Variants in HDAC4 observed in about 807,000 individuals in gnomAD.
HDAC4 encodes the protein histone deacetylase 4.
In HDAC4, 16 loss-of-function variants were observed where a neutral mutation model predicts 135.1. The ratio of observed to expected loss-of-function variants is 0.12; its 90% CI spans 0.08 to 0.18. HDAC4 has a LOEUF of 0.18. Ranked by LOEUF, HDAC4 falls within the 10% of genes least tolerant of loss-of-function variation. The pLI, the probability that HDAC4 is intolerant of heterozygous loss-of-function variation, is 1.00. For synonymous variants in HDAC4, 685 were observed against 653.4 expected (o/e 1.05, Z -0.74); for missense variants, 1,143 against 1,511.8 (o/e 0.76, Z 4.05).
At chr2:239,344,727 G>A (rs185417773) in intron 2 of HDAC4, among the ~76,000 whole-genome samples, 14 of 152,312 alleles carry the variant, frequency 9.2e-5, no homozygotes, top group East Asian at 1.9e-4. Flanking sequence ...GTCAGAAAAC[G>A]TACACAAGTA....
At chr2:239,096,521 T>C (rs2037078279) in intron 16 of HDAC4, among the ~76,000 whole-genome samples, 2 of 32,256 alleles carry the variant, frequency 6.2e-5, no homozygotes, top group Admixed American at 9.2e-4. Context: ...ACACCCCCCA[T>C]GGACGCCAGT....
intron 17 of HDAC4, among the ~76,000 whole-genome samples, chr2:239,092,523 G>A (rs1252871549): frequency 6.6e-6 from 1 of 152,216 alleles, no homozygotes; most frequent in Admixed American, 6.5e-5. Context: ...GGGTGCCAAG[G>A]AGCTGCTCGG....
intron 24 of HDAC4, among the ~76,000 whole-genome samples, chr2:239,066,299 C>T (rs1158270275): frequency 6.6e-6 from 1 of 152,178 alleles, no homozygotes; most frequent in Non-Finnish European, 1.5e-5. Flanking sequence ...CAGAAGAGCC[C>T]CAGCCTGCCT....
chr2:239,282,660 C>CCCACTCTACAATGTACACA (rs796786095), intron 2 of HDAC4, among the ~76,000 whole-genome samples: 1 of 139,646 alleles, frequency 7.2e-6, no homozygotes, highest in Non-Finnish European at 1.6e-5. Context: ...CAATGTACAC[C>CCCACTCTACAATGTACACA]CCACTCTACA....
At chr2:239,061,822 C>T (rs1206257246) in intron 24 of HDAC4, among the ~76,000 whole-genome samples, 1 of 152,368 alleles carries the variant, frequency 6.6e-6, no homozygotes, top group East Asian at 1.9e-4. Context: ...TCCTGCTCCA[C>T]GAATGTCTTC....
At chr2:239,109,891 AC>A (rs978642780) in intron 14 of HDAC4, among the ~76,000 whole-genome samples, 2 of 152,240 alleles carry the variant, frequency 1.3e-5, no homozygotes, top group African/African-American at 4.8e-5. Context: ...GCTGGAACTT[AC>A]GAGGCAGACA....
At chr2:239,238,611 T>C (rs953597639) in intron 2 of HDAC4, among the ~76,000 whole-genome samples, 9 of 152,192 alleles carry the variant, frequency 5.9e-5, no homozygotes, top group Non-Finnish European at 1.3e-4. Context: ...GCAGCAGCGG[T>C]GGGGCCAGAG....
At chr2:239,198,958 T>C (rs765696680) in intron 3 of HDAC4, among the ~76,000 whole-genome samples, 1 of 152,178 alleles carries the variant, frequency 6.6e-6, no homozygotes, top group Non-Finnish European at 1.5e-5. Context: ...CGCAAATAAA[T>C]GGACAAGTCT....
rs1254509887 is a variant in HDAC4, at chr2:239,111,513, G to C, written c.1978+13C>G. The C allele has an allele frequency of 1.9e-6, 3 of 1,610,010 alleles. No individual in the cohort carries two copies. The Admixed American group carries it at 5.0e-5, about 27-fold the overall frequency. On this transcript the variant is annotated intron_variant, in intron 14 of 26. Transcript: ENST00000543185. ...GCGTTGCACCCTCAGGCTGCACAAA[G>C]GCCACGTGTTACCTGTCGTGAACCT... is the stretch of plus-strand genomic sequence containing the variant.
Position 239,306,012 on chromosome 2 carries a change from C to A in HDAC4, c.22+46666G>T, listed in dbSNP as rs548443202. On this transcript the variant is annotated intron_variant, in intron 2 of 26. Transcript: ENST00000543185. This position sits in a 1 kb window ranked among gnomAD's most constrained non-coding sequence, Gnocchi z 4.5. Reference sequence around the variant, plus strand: ...GCAAGCACAGTGTCTGCGTCTCCCCCACGCTGAAATGATTCCTAGTGTCCT... The same window carrying A: ...GCAAGCACAGTGTCTGCGTCTCCCCAACGCTGAAATGATTCCTAGTGTCCT... 2.3e-4 allele frequency among the ~76,000 whole-genome samples: 35 copies of A among 152,186 alleles called. No individual in the cohort carries two copies. Among genetic ancestry groups the A allele is most frequent in the African/African-American group, 8.4e-4 (35 of 41,444 alleles).
At chr2:239,244,784 C>A (rs979764210) in intron 2 of HDAC4, among the ~76,000 whole-genome samples, 1 of 152,150 alleles carries the variant, frequency 6.6e-6, no homozygotes, top group Non-Finnish European at 1.5e-5. Flanking sequence ...TGCTGAGTGA[C>A]CCCAGCAGCC....
intron 5 of HDAC4, among the ~76,000 whole-genome samples, chr2:239,170,430 C>T (rs1209314990): frequency 6.6e-6 from 1 of 152,192 alleles, no homozygotes; most frequent in Non-Finnish European, 1.5e-5. Context: ...GGAAAAACTT[C>T]AAATCTAGTG....
intron 3 of HDAC4, among the ~76,000 whole-genome samples, chr2:239,216,238 G>A (rs2046628151): frequency 6.6e-6 from 1 of 151,732 alleles, no homozygotes; most frequent in African/African-American, 2.4e-5. Context: ...ACTCACATAT[G>A]TACATGTATA....
intron 2 of HDAC4, among the ~76,000 whole-genome samples, chr2:239,320,722 G>T (rs1350116062): frequency 6.6e-6 from 1 of 152,082 alleles, no homozygotes; most frequent in Non-Finnish European, 1.5e-5. Context: ...TGAAACTGCT[G>T]ACATCTCAAG....
At chr2:239,315,964 T>C (rs2053097687) in intron 2 of HDAC4, among the ~76,000 whole-genome samples, 1 of 152,200 alleles carries the variant, frequency 6.6e-6, no homozygotes, top group South Asian at 2.1e-4. Context: ...GGACAAACTG[T>C]GAGCAGTTAC....
At chr2:239,244,464 A>G (rs2048361281) in intron 2 of HDAC4, among the ~76,000 whole-genome samples, 1 of 152,122 alleles carries the variant, frequency 6.6e-6, no homozygotes, top group East Asian at 1.9e-4. Flanking sequence ...CGTGTGAGTC[A>G]ATGTGGAATG....
intron 2 of HDAC4, among the ~76,000 whole-genome samples, chr2:239,346,555 TCACA>T (rs146910085): frequency 0.013 from 1,147 of 86,050 alleles, 14 homozygotes; most frequent in African/African-American, 0.032. Flanking sequence ...AAACACACCT[TCACA>T]CACACACACA....
At chr2:239,185,219 TG>T (rs2044467080) in intron 4 of HDAC4, among the ~76,000 whole-genome samples, 1 of 151,092 alleles carries the variant, frequency 6.6e-6, no homozygotes, top group African/African-American at 2.4e-5. Flanking sequence ...GTATCCCCCA[TG>T]GGGGTTGCCC....
intron 5 of HDAC4, among the ~76,000 whole-genome samples, chr2:239,168,366 C>T (rs570882647): frequency 6.6e-5 from 10 of 152,240 alleles, no homozygotes; most frequent in African/African-American, 1.2e-4. Context: ...TCCCAAGTGC[C>T]GTTAATCTAA....
Sources: gnomAD v4.1 joint callset for allele counts (sites outside exome capture counted in the v4.1 genomes callset) on GRCh38, gnomAD v4.1.1 for gene constraint, Gnocchi (gnomAD v3.1) non-coding constraint, MANE v1.5 for transcripts, NCBI Gene and HGNC (gene_info 2026-07-23, HGNC 2026-07-21) for gene names.